REC114: variants seen among roughly 807,000 people sequenced by gnomAD.
REC114 encodes REC114 meiotic recombination protein, also known as meiotic recombination protein REC114.
In REC114, 27 loss-of-function variants were observed where a neutral mutation model predicts 31.3. That is an observed-to-expected ratio of 0.86 (90% CI 0.64 to 1.19). The LOEUF is 1.19. Among genes scored for constraint, REC114 ranks in the 50% most tolerant of loss-of-function variants. REC114 has a pLI of 0.00. For synonymous variants in REC114, 134 were observed against 127.7 expected (o/e 1.05, Z -0.33); for missense variants, 344 against 326.9 (o/e 1.05, Z -0.40).
chr15:73,527,871 C>T (rs76573877), intron 2 of REC114, among the ~76,000 whole-genome samples: 1,636 of 152,010 alleles, frequency 0.011, 36 homozygotes, highest in African/African-American at 0.038. Context: ...TGTGTGATGT[C>T]GTTATCTATA....
chr15:73,517,165 C>T (rs1595875709), intron 2 of REC114, among the ~76,000 whole-genome samples: 1 of 152,070 alleles, frequency 6.6e-6, no homozygotes, highest in Non-Finnish European at 1.5e-5. Context: ...ATTAGGTATG[C>T]AAGTGTTTAT....
intron 2 of REC114, among the ~76,000 whole-genome samples, chr15:73,517,164 G>GCAAGT (rs1237408564): frequency 6.6e-6 from 1 of 152,120 alleles, no homozygotes; most frequent in Admixed American, 6.5e-5. Context: ...AATTAGGTAT[G>GCAAGT]CAAGTGTTTA....
At chr15:73,531,067 C>G (rs993263917) in intron 2 of REC114, among the ~76,000 whole-genome samples, 2 of 152,136 alleles carry the variant, frequency 1.3e-5, no homozygotes, top group African/African-American at 4.8e-5. Flanking sequence ...CTGTTTTCTT[C>G]AAAGCATTTA....
intron 2 of REC114, among the ~76,000 whole-genome samples, chr15:73,493,002 A>AT (rs924562088): frequency 8.8e-5 from 13 of 148,378 alleles, no homozygotes; most frequent in South Asian, 8.5e-4. Flanking sequence ...ACTCTTCTTT[A>AT]TTTTTTTTTA....
At chr15:73,531,795 A>G (rs999467621) in intron 2 of REC114, among the ~76,000 whole-genome samples, 3 of 152,150 alleles carry the variant, frequency 2.0e-5, no homozygotes, top group African/African-American at 7.2e-5. Context: ...GCTAGACTCC[A>G]TGCAGATTTG....
intron 2 of REC114, among the ~76,000 whole-genome samples, chr15:73,489,541 A>C (rs1229131587): frequency 6.6e-6 from 1 of 151,844 alleles, no homozygotes; most frequent in Non-Finnish European, 1.5e-5. Context: ...ACTCCCATTC[A>C]TGAGGGTTCT....
At chr15:73,452,747 A>C (rs1892868114) in intron 1 of REC114, among the ~76,000 whole-genome samples, 2 of 152,256 alleles carry the variant, frequency 1.3e-5, no homozygotes, top group Non-Finnish European at 2.9e-5. Context: ...ACAAGTCTAC[A>C]GTAACCAAAA....
chr15:73,450,499 C>T (rs1892829204), intron 1 of REC114, among the ~76,000 whole-genome samples: 1 of 152,180 alleles, frequency 6.6e-6, no homozygotes, highest in African/African-American at 2.4e-5. Context: ...TTCTTAGCGA[C>T]CTACAAAGAG....
chr15:73,518,786 A>G (rs958196941), intron 2 of REC114, among the ~76,000 whole-genome samples: 5 of 152,268 alleles, frequency 3.3e-5, no homozygotes. Flanking sequence ...TGCTTCTGCA[A>G]TATACTTTAT....
chr15:73,467,571 T>C (rs1411167241), intron 1 of REC114, among the ~76,000 whole-genome samples: 1 of 152,230 alleles, frequency 6.6e-6, no homozygotes, highest in Non-Finnish European at 1.5e-5. Context: ...GTCTTTTTTC[T>C]TCTCCATATT....
intron 2 of REC114, among the ~76,000 whole-genome samples, chr15:73,500,024 T>A (rs1293711964): frequency 6.7e-6 from 1 of 150,352 alleles, no homozygotes; most frequent in East Asian, 1.9e-4. Flanking sequence ...TGCAAATTTT[T>A]CAACCATGAT....
chr15:73,539,949 C>T (rs1488659988), intron 2 of REC114, among the ~76,000 whole-genome samples: 1 of 152,168 alleles, frequency 6.6e-6, no homozygotes, highest in Non-Finnish European at 1.5e-5. Context: ...TGTGTGCCCT[C>T]TACTGCCCTC....
intron 1 of REC114, among the ~76,000 whole-genome samples, chr15:73,472,764 C>T (rs576688353): frequency 9.4e-4 from 143 of 152,076 alleles, no homozygotes; most frequent in Middle Eastern, 6.8e-3. Flanking sequence ...CACTATATCT[C>T]GATAGGTTGG....
intron 2 of REC114, among the ~76,000 whole-genome samples, chr15:73,482,400 C>T (rs939444690): frequency 6.6e-6 from 1 of 152,180 alleles, no homozygotes; most frequent in Non-Finnish European, 1.5e-5. Context: ...CGACATGCCT[C>T]TTCCCCCTTT....
At chr15:73,475,537 T>C (rs1275958673) in intron 2 of REC114, among the ~76,000 whole-genome samples, 1 of 152,226 alleles carries the variant, frequency 6.6e-6, no homozygotes, top group Non-Finnish European at 1.5e-5. Context: ...TAAAATACAA[T>C]GATTTTAAAA....
chr15:73,548,031 A>G, intron 3 of REC114, among the ~76,000 whole-genome samples: 1 of 152,270 alleles, frequency 6.6e-6, no homozygotes, highest in Non-Finnish European at 1.5e-5. Context: ...ACAAAGGTCT[A>G]ATATCCAGCA....
chr15:73,470,445 G>A (rs1215993487), intron 1 of REC114, among the ~76,000 whole-genome samples: 1 of 152,066 alleles, frequency 6.6e-6, no homozygotes. Context: ...AGATCTGCTG[G>A]TGATGAATTC....
intron 2 of REC114, among the ~76,000 whole-genome samples, chr15:73,532,626 C>G (rs1311173668): frequency 6.6e-6 from 1 of 152,070 alleles, no homozygotes; most frequent in Non-Finnish European, 1.5e-5. Context: ...TCCTATTTCT[C>G]CACATCCTCT....
chr15:73,537,932 T>TA (rs1339672659), intron 2 of REC114, among the ~76,000 whole-genome samples: 2 of 152,184 alleles, frequency 1.3e-5, no homozygotes, highest in African/African-American at 2.4e-5. Flanking sequence ...TCTCTCTTAT[T>TA]AAAAAAGTAG....
Sources: allele counts gnomAD v4.1 joint callset (sites outside exome capture counted in the v4.1 genomes callset), GRCh38; gene constraint gnomAD v4.1.1; transcripts MANE v1.5; gene names NCBI Gene and HGNC (gene_info 2026-07-23, HGNC 2026-07-21).